The following PAPLN variants were observed in gnomAD, a reference collection of about 807,000 sequenced individuals.
The protein encoded by PAPLN is papilin.
PAPLN carries 146 observed loss-of-function variants against 159.0 expected under a neutral mutation model. The observed-to-expected ratio is 0.92, with a 90% CI of 0.80 to 1.05. PAPLN has a LOEUF of 1.05. PAPLN is among the 50% of genes least tolerant of loss of function. The probability of loss-of-function intolerance (pLI) is 0.00; values close to 1 mark genes in which losing one functional copy is unlikely to be tolerated. For synonymous variants in PAPLN, 734 were observed against 702.9 expected (o/e 1.04, Z -0.70); for missense variants, 1,720 against 1,743.9 (o/e 0.99, Z 0.24).
rs1342436453 is a variant in PAPLN at position 73,259,452 on chromosome 14, GAC to G, written c.1896_1897del (p.His632GlnfsTer36). 4 of 1,612,472 alleles carry G rather than the reference GAC, an allele frequency of 2.5e-6. No homozygotes were observed. The highest frequency in any genetic ancestry group is 3.4e-6 in the Non-Finnish European group (4 of 1,179,572). On this transcript the variant is annotated frameshift_variant, in exon 16 of 27. Transcript: ENST00000644200. LOFTEE classifies it high-confidence loss of function. ...TCGGGCTCAGGGCCCCACGACTGCA[GAC>G]ACAGTCCTCACGGGTGCTGCCCCGA...
Position 73,246,124 on chromosome 14 carries a change from G to T in PAPLN, c.283G>T (p.Asp95Tyr), listed in dbSNP as rs1390012677. 1 of 1,591,074 alleles carries T rather than the reference G, an allele frequency of 6.3e-7. No individual in the cohort carries two copies. The highest frequency in any genetic ancestry group is 8.5e-7 in the Non-Finnish European group (1 of 1,171,134). ...CCGGGCCGAGCAGTGCGCGGAGTTC[G>T]ACGGAGCGGAGTTCCAGGGGCGGCG... ...DFRAEQCAEF[D>Y]GAEFQGRRYR... The change falls in exon 5 of 27, where the codon GAC becomes TAC. Residue 95 changes from aspartate (D) to tyrosine (Y), a missense_variant. Transcript: ENST00000644200.
At chr14:73,250,833 T>C in intron 6 of PAPLN, 74 bp from the exon 7 acceptor site, 1 of 1,503,700 alleles carries the variant, frequency 6.7e-7, no homozygotes, top group South Asian at 1.3e-5. Context: ...GTGCTGGGGT[T>C]AGGATGCGAC....
At position 73,253,942 on chromosome 14, in the gene PAPLN, G is replaced by T; in HGVS notation, c.1283G>T (p.Ser428Ile). 1 of 1,611,840 alleles carries T rather than the reference G, an allele frequency of 6.2e-7. No homozygotes were observed. The highest frequency in any genetic ancestry group is 8.5e-7 in the Non-Finnish European group (1 of 1,179,656). Residue 428 changes from serine (S) to isoleucine (I), a missense_variant, in exon 12 of 27, where the codon AGC becomes ATC. Ser to Ile is a moderately radical substitution (Grantham distance 142, BLOSUM62 -2). Transcript: ENST00000644200. ...AACCTGCAGCGCTGTGCAGCCTGGA[G>T]CCCGGAGCCCTGGGGAGAGGTCAGG... ...ACNLQRCAAW[S>I]PEPWGECSVS...
Position 73,264,640 on chromosome 14 carries a change from C to T in PAPLN, c.3039C>T (p.Pro1013=). 1 of 1,605,310 alleles carries T rather than the reference C, an allele frequency of 6.2e-7. No individual in the cohort carries two copies. Among genetic ancestry groups the T allele is most frequent in the Non-Finnish European group, 8.5e-7 (1 of 1,177,862 alleles). Residue 1013 remains proline, a synonymous_variant, in exon 22 of 27, where the codon CCC becomes CCT. Coordinates refer to ENST00000644200, the MANE Select transcript of PAPLN (RefSeq NM_001365906.3). The part of the protein sequence containing the change: ...SEAELSRFPQ[P]RDPAQDFGQA... The stretch of plus-strand genomic sequence containing the variant: ...CTGAGCTGAGCCGCTTCCCTCAGCC[C>T]AGGGACCCAGCTCAGGACTTTGGCC...
chr14:73,264,827 C>A, intron 22 of PAPLN, 101 bp downstream of exon 22: 14 of 1,554,272 alleles, frequency 9.0e-6, no homozygotes, highest in Non-Finnish European at 1.2e-5. Context: ...CCAGGCCTTG[C>A]CAGCCCCTGC....
At chr14:73,252,263 CG>C in intron 10 of PAPLN, 122 bp downstream of exon 10, 1 of 1,373,478 alleles carries the variant, frequency 7.3e-7, no homozygotes, top group Non-Finnish European at 9.6e-7. Flanking sequence ...GACAAGTAGG[CG>C]AGAAATCTCT....
chr14:73,239,831 C>G lies in PAPLN; in HGVS notation c.53C>G (p.Ser18Trp), dbSNP rs1173490405. Residue 18 changes from serine to tryptophan, a missense_variant and splice_region_variant, in exon 2 of 27, where the codon TCG (serine) becomes TGG (tryptophan). Coordinates refer to ENST00000644200, the MANE Select transcript of PAPLN (RefSeq NM_001365906.3). ...CTGCTGGCTCCAGCGCCCGGGTCCTCGGTGAGTGCGGTCCTGCCCCGGCCC... is the reference window on the plus strand; with the variant it reads ...CTGCTGGCTCCAGCGCCCGGGTCCTGGGTGAGTGCGGTCCTGCCCCGGCCC... ...PLLLAPAPGS[S>W]APKVRRQSDT... 6.3e-7 allele frequency: 1 copy of G among 1,587,498 alleles called. No homozygotes were observed. Among genetic ancestry groups the G allele is most frequent in the South Asian group, 1.1e-5 (1 of 88,250 alleles).
At chr14:73,263,054 G>T in intron 19 of PAPLN, 1 of 424,866 alleles carries the variant, frequency 2.4e-6, no homozygotes, top group African/African-American at 2.0e-5. Context: ...TGTGCAGATG[G>T]TGGCTCCGGG....
rs1887082241 is a variant in PAPLN at position 73,265,115 on chromosome 14, TG to T, written c.3126-251del. Among the ~76,000 whole-genome samples the T allele has an allele frequency of 6.8e-6, 1 of 146,360 alleles. No individual in the cohort carries two copies. The highest frequency in any genetic ancestry group is 1.5e-5 in the Non-Finnish European group (1 of 66,810). ...AATGTGCAGGGTGGGGGGTGACAGA[TG>T]GGGATCCTGGCTGGTGGGTGTGTCT... On this transcript the variant is annotated intron_variant, in intron 22 of 26. Transcript: ENST00000644200. This position sits in a 1 kb window ranked among gnomAD's most constrained non-coding sequence, Gnocchi z 4.1.
chr14:73,244,723 G>T lies in PAPLN; in HGVS notation c.134G>T (p.Gly45Val), dbSNP rs1160143317. 3 of 1,592,372 alleles carry T rather than the reference G, an allele frequency of 1.9e-6. No individual in the cohort carries two copies. Among genetic ancestry groups the T allele is most frequent in the Admixed American group, 3.5e-5 (2 of 56,756 alleles). Residue 45 changes from glycine to valine, a missense_variant, in exon 3 of 27, where the codon GGT becomes GTT. Coordinates refer to ENST00000644200, the MANE Select transcript of PAPLN (RefSeq NM_001365906.3). Reference protein sequence around the residue: ...WSPCSRTCGGGVSFRERPCYS... With the variant: ...WSPCSRTCGGVVSFRERPCYS... The stretch of plus-strand genomic sequence containing the variant: ...CCCTGCAGCCGGACCTGTGGAGGGG[G>T]TGTCAGCTTCCGGGAGCGCCCCTGC...
rs970326112 is a variant in PAPLN, at chr14:73,264,698, C to T, written c.3097C>T (p.Pro1033Ser). 1.2e-6 allele frequency: 2 copies of T among 1,612,618 alleles called. No individual in the cohort carries two copies. The highest frequency in any genetic ancestry group is 2.7e-5 in the African/African-American group (2 of 74,878). ...GGCTGCTGGGCCCCTGGGGGCCATC[C>T]CCTCTTCACACCCACAGCCTGCAAA... ...AGAAGPLGAI[P>S]SSHPQPANRL... The change falls in exon 22 of 27, where the codon CCC (proline) becomes TCC (serine). Residue 1033 changes from proline (P) to serine (S), a missense_variant. Transcript: ENST00000644200.
At chr14:73,258,618 T>TTAAAAAAAAAAAAAAAAAAAA (rs1886187433) in intron 14 of PAPLN, among the ~76,000 whole-genome samples, 1 of 75,788 alleles carries the variant, frequency 1.3e-5, no homozygotes, top group Non-Finnish European at 2.4e-5. Flanking sequence ...ACCCTATCTC[T>TTAAAAAAAAAAAAAAAAAAAA]AAAAAAAAAA....
chr14:73,249,519 C>T (rs1384293531), intron 5 of PAPLN, among the ~76,000 whole-genome samples: 1 of 151,960 alleles, frequency 6.6e-6, no homozygotes, highest in Non-Finnish European at 1.5e-5. Context: ...ACTAAAAGTA[C>T]AAAACTTAGC....
In PAPLN at chr14:73,271,454, CTGAGT is replaced by C. The variant is rs1887711510; in HGVS notation, c.3668-1039_3668-1035del. ...AAGGTACCACTCTGGTCTAAGTCAGCTGAGTTTTAAGAACCCCTTCCAGAAGAGAG... is the reference window on the plus strand; with the variant it reads ...AAGGTACCACTCTGGTCTAAGTCAGCTTTAAGAACCCCTTCCAGAAGAGAG... On this transcript the variant is annotated intron_variant, in intron 26 of 26. Coordinates refer to ENST00000644200, the MANE Select transcript of PAPLN (RefSeq NM_001365906.3). 2.0e-5 allele frequency among the ~76,000 whole-genome samples: 3 copies of C among 151,896 alleles called. No individual in the cohort carries two copies. The South Asian group carries it at 6.3e-4, about 32-fold the overall frequency.
rs369577092 is a variant in PAPLN at position 73,259,563 on chromosome 14, G to T, written c.1985+18G>T. 1.1e-4 allele frequency: 166 copies of T among 1,500,730 alleles called. 1 individual carries two copies. Among genetic ancestry groups the T allele is most frequent in the East Asian group, 8.2e-4 (34 of 41,240 alleles). The allele number at this position is 1,500,730 out of a possible 1,614,324, so 93.0% of individuals were successfully genotyped here. A position where few individuals can be genotyped will look rare whatever the true frequency, so the allele number is the denominator to read the frequency against. The stretch of plus-strand genomic sequence containing the variant: ...CAGAGCAGGTGGGTGCTGGAGACAG[G>T]TCTTCCTCCTCCCCCGTCAAAGAGG... On this transcript the variant is annotated intron_variant, in intron 16 of 26. Transcript: ENST00000644200.
rs1887929766 is a variant in PAPLN, at chr14:73,273,636, A to C, written c.*972A>C. The C allele has an allele frequency of 6.6e-6, 1 of 152,188 alleles. No individual in the cohort carries two copies. Among genetic ancestry groups the C allele is most frequent in the Non-Finnish European group, 1.5e-5 (1 of 68,034 alleles). The allele number at this position is 152,188 out of a possible 1,614,324, so 9.4% of individuals were successfully genotyped here. On this transcript the variant is annotated 3_prime_UTR_variant, in exon 27 of 27. Transcript: ENST00000644200. The stretch of plus-strand genomic sequence containing the variant: ...GCTGTCAGGGTTCCACTTAATTTAA[A>C]GCTGGGCAGGGAGATGTGTAATGAT...
Position 73,244,476 on chromosome 14 carries a change from G to A in PAPLN, c.55-168G>A, listed in dbSNP as rs1594778394. ...GCAGGCTAATTCTGAAAAGGAATATGTTTTGGGGTGCCCGGCAGTGTTGCT... is the reference window on the plus strand; with the variant it reads ...GCAGGCTAATTCTGAAAAGGAATATATTTTGGGGTGCCCGGCAGTGTTGCT... On this transcript the variant is annotated intron_variant, in intron 2 of 26. Coordinates refer to ENST00000644200, the MANE Select transcript of PAPLN (RefSeq NM_001365906.3). The A allele has an allele frequency of 3.0e-5, 18 of 594,622 alleles. No individual in the cohort carries two copies. The South Asian group carries it at 3.6e-4, about 12-fold the overall frequency. 36.8% of individuals were successfully genotyped at this position (594,622 alleles called of 1,614,324 possible).
chr14:73,251,944 G>A, intron 9 of PAPLN, 74 bp from the exon 10 acceptor site: 1 of 1,553,148 alleles, frequency 6.4e-7, no homozygotes, highest in Non-Finnish European at 8.7e-7. Flanking sequence ...GAGGCTGGCA[G>A]GGGGCTGTGA....
In PAPLN at chr14:73,260,716, T is replaced by C. The variant is rs943299431; in HGVS notation, c.1993T>C (p.Cys665Arg). The part of the protein sequence containing the change: ...GAPCQQSRYG[C>R]CPDRVSVAEG... The stretch of plus-strand genomic sequence containing the variant: ...TGTGTGATGTCTGCCTAGGTACGGG[T>C]GCTGCCCTGACAGGGTATCTGTCGC... The change falls in exon 17 of 27, where the codon TGC (cysteine) becomes CGC (arginine). Residue 665 changes from cysteine to arginine, a missense_variant. By Grantham distance (180) the Cys-to-Arg change is radical. Transcript: ENST00000644200. 8.2e-6 allele frequency: 12 copies of C among 1,463,416 alleles called. No individual in the cohort carries two copies. Among genetic ancestry groups the C allele is most frequent in the Middle Eastern group, 2.5e-4 (1 of 4,036 alleles). The allele number at this position is 1,463,416 out of a possible 1,614,324, so 90.7% of individuals were successfully genotyped here.
Sources: gnomAD v4.1 joint callset for allele counts (sites outside exome capture counted in the v4.1 genomes callset) on GRCh38, gnomAD v4.1.1 for gene constraint, Gnocchi (gnomAD v3.1) non-coding constraint, MANE v1.5 for transcripts, NCBI Gene and HGNC (gene_info 2026-07-23, HGNC 2026-07-21) for gene names.